Variants in HMCN1 observed in about 807,000 individuals in gnomAD.
The protein encoded by HMCN1 is hemicentin 1, also known as hemicentin-1.
In HMCN1, 321 loss-of-function variants were observed where a neutral mutation model predicts 625.9. That is an observed-to-expected ratio of 0.51 (90% CI 0.47 to 0.56). HMCN1 has a LOEUF of 0.56. HMCN1 is among the 20% of genes least tolerant of loss of function. HMCN1 has a pLI of 0.00. For synonymous variants in HMCN1, 2,425 were observed against 2,417.6 expected, an observed-to-expected ratio of 1.00 and a Z score of -0.09; for missense variants, 6,588 against 6,887.3, an observed-to-expected ratio of 0.96 and a Z score of 1.54.
chr1:185,855,724 G>A (rs774341015), intron 2 of HMCN1, among the ~76,000 whole-genome samples: 1 of 152,148 alleles, frequency 6.6e-6, no homozygotes, highest in Non-Finnish European at 1.5e-5. Flanking sequence ...ATCAGTTGCC[G>A]ATGAGTTAAA....
intron 36 of HMCN1, among the ~76,000 whole-genome samples, chr1:186,035,079 T>A (rs963369587): frequency 6.6e-6 from 1 of 152,194 alleles, no homozygotes; most frequent in African/African-American, 2.4e-5. Flanking sequence ...TGTAGGAATG[T>A]GTCATGGACT....
rs1558238233 is a variant in HMCN1, at chr1:186,120,118, T to C, written c.12202T>C (p.Leu4068=). 3.1e-6 allele frequency: 5 copies of C among 1,613,862 alleles called. No homozygotes were observed. The highest frequency in any genetic ancestry group is 2.2e-5 in the South Asian group (2 of 91,086). Reference sequence around the variant, plus strand: ...GGCCCAGAACCCGGCTGGTACAGCCTTGGGCAAAATCAAGTTAAATGTCCA... The same window carrying C: ...GGCCCAGAACCCGGCTGGTACAGCCCTGGGCAAAATCAAGTTAAATGTCCA... ...CVAQNPAGTA[L]GKIKLNVQVP... The change falls in exon 80 of 107, where the codon TTG becomes CTG. Residue 4068 remains leucine (L), a synonymous_variant. Coordinates refer to ENST00000271588, the MANE Select transcript of HMCN1 (RefSeq NM_031935.3).
At chr1:186,153,661 C>A in intron 96 of HMCN1, 89 bp from the exon 97 acceptor site, 2 of 1,027,190 alleles carry the variant, frequency 1.9e-6, no homozygotes, top group Non-Finnish European at 3.1e-6. Context: ...AATCCTTTTT[C>A]CCCGCTCATT....
At chr1:186,173,344 CA>C (rs1462852132) in intron 102 of HMCN1, among the ~76,000 whole-genome samples, 1 of 151,970 alleles carries the variant, frequency 6.6e-6, no homozygotes, top group Admixed American at 6.6e-5. Flanking sequence ...GTTGAAGTAT[CA>C]GATTTCAAAG....
chr1:185,799,283 G>A (rs1212281752), intron 1 of HMCN1, among the ~76,000 whole-genome samples: 2 of 152,200 alleles, frequency 1.3e-5, no homozygotes, highest in Non-Finnish European at 2.9e-5. Context: ...CAAGTGCTAT[G>A]CATTTGTGTC....
chr1:185,756,870 A>G (rs1655166089), intron 1 of HMCN1, among the ~76,000 whole-genome samples: 1 of 151,824 alleles, frequency 6.6e-6, no homozygotes, highest in Non-Finnish European at 1.5e-5. Context: ...ATAACTTTCC[A>G]CCTGGTCTCT....
chr1:186,109,555 A>G (rs1000037344), intron 71 of HMCN1, among the ~76,000 whole-genome samples: 2 of 152,240 alleles, frequency 1.3e-5, no homozygotes, highest in African/African-American at 4.8e-5. Context: ...AGTAAATTGT[A>G]TATTAGAAGG....
Position 185,846,163 on chromosome 1 carries a change from T to C in HMCN1, c.339+67T>C. 6 of 1,246,168 alleles carry C rather than the reference T, an allele frequency of 4.8e-6. 1 individual carries two copies. The South Asian group carries it at 6.1e-5, about 13-fold the overall frequency. The allele number at this position is 1,246,168 out of a possible 1,614,324, so 77.2% of individuals were successfully genotyped here. On this transcript the variant is annotated intron_variant, in intron 2 of 106. Transcript: ENST00000271588. ...TCATGAGCCTTTGGCTGATTTTCTT[T>C]ATTTTTTAAATCTAAAAGACATAGT...
chr1:186,171,926 A>G, intron 101 of HMCN1, 80 bp from the exon 102 acceptor site: 1 of 1,396,094 alleles, frequency 7.2e-7, no homozygotes, highest in Non-Finnish European at 1.0e-6. Context: ...TAATATCCCT[A>G]AAATCCAAAA....
chr1:186,015,342 T>G lies in HMCN1; in HGVS notation c.4814T>G (p.Ile1605Ser), dbSNP rs1443861349. 4 of 1,613,736 alleles carry G rather than the reference T, an allele frequency of 2.5e-6. No homozygotes were observed. Among genetic ancestry groups the G allele is most frequent in the Non-Finnish European group, 3.4e-6 (4 of 1,179,774 alleles). The change falls in exon 31 of 107, where the codon ATT becomes AGT. Residue 1605 changes from isoleucine to serine, a missense_variant. By Grantham distance (142) the Ile-to-Ser change is moderately radical. Transcript: ENST00000271588. ...ATTGATAAAGGACAATATCTTCATA[T>G]TCCTCGAGCACAGGTCTCTGATTCA... is the stretch of plus-strand genomic sequence containing the variant. ...LYIDKGQYLH[I>S]PRAQVSDSAT...
chr1:186,077,747 C>T (rs1473942648), intron 54 of HMCN1, among the ~76,000 whole-genome samples: 2 of 152,122 alleles, frequency 1.3e-5, no homozygotes, highest in Non-Finnish European at 2.9e-5. Context: ...CAAACAAGTA[C>T]TTGCAGCAAA....
chr1:185,864,906 A>T (rs1663086000), intron 3 of HMCN1, among the ~76,000 whole-genome samples: 1 of 152,242 alleles, frequency 6.6e-6, no homozygotes, highest in East Asian at 1.9e-4. Flanking sequence ...AACTGACAAA[A>T]CACAGGCCTA....
chr1:186,137,985 C>T lies in HMCN1; in HGVS notation c.13924+13C>T. Reference sequence around the variant, plus strand: ...AGGCCTTGCCCAGGTGAGAAACCACCAATAATGCTAAGATAAACAAAACTT... The same window carrying T: ...AGGCCTTGCCCAGGTGAGAAACCACTAATAATGCTAAGATAAACAAAACTT... On this transcript the variant is annotated intron_variant, in intron 89 of 106. Transcript: ENST00000271588. 1 of 1,613,646 alleles carries T rather than the reference C, an allele frequency of 6.2e-7. No homozygotes were observed. Among genetic ancestry groups the T allele is most frequent in the African/African-American group, 1.3e-5 (1 of 75,024 alleles).
intron 9 of HMCN1, 35 bp downstream of exon 9, chr1:185,925,226 C>T: frequency 6.4e-7 from 1 of 1,574,698 alleles, no homozygotes; most frequent in Non-Finnish European, 8.7e-7. Flanking sequence ...TAAGATTCAG[C>T]ATTTAACATG....
At chr1:186,186,994 T>TCACACACACACACACACACACA (rs371455899) in intron 105 of HMCN1, among the ~76,000 whole-genome samples, 5 of 134,514 alleles carry the variant, frequency 3.7e-5, no homozygotes, top group East Asian at 2.3e-4. Context: ...TGTCTCTGTC[T>TCACACACACACACACACACACA]CACACACACA....
rs779986225 is a variant in HMCN1 at position 186,062,604 on chromosome 1, TG to T, written c.7513+7del. 1 of 1,596,428 alleles carries T rather than the reference TG, an allele frequency of 6.3e-7. No homozygotes were observed. Among genetic ancestry groups the T allele is most frequent in the East Asian group, 2.2e-5 (1 of 44,652 alleles). On this transcript the variant is annotated splice_donor_5th_base_variant and intron_variant, in intron 48 of 106. Coordinates refer to ENST00000271588, the MANE Select transcript of HMCN1 (RefSeq NM_031935.3). ...ACGCTGACTTGTGAAGTGACAGGTA[TG>T]GGCTCAGCTCTCAGACTTTTGGTGC...
chr1:186,092,938 G>C (rs538669000), intron 64 of HMCN1, among the ~76,000 whole-genome samples, 196 bp from the exon 65 acceptor site: 3 of 152,176 alleles, frequency 2.0e-5, no homozygotes, highest in Non-Finnish European at 4.4e-5. Flanking sequence ...GATTTGAATA[G>C]AGAAGTATTC....
At chr1:185,859,734 C>T (rs781658338) in intron 2 of HMCN1, among the ~76,000 whole-genome samples, 82 of 152,004 alleles carry the variant, frequency 5.4e-4, no homozygotes, top group Non-Finnish European at 8.1e-4. Flanking sequence ...GGTGCGATCT[C>T]GATTCACTGC....
intron 4 of HMCN1, among the ~76,000 whole-genome samples, chr1:185,892,033 C>T (rs577196556): frequency 2.0e-5 from 3 of 151,528 alleles, no homozygotes; most frequent in African/African-American, 7.3e-5. Context: ...TTTCTCTAAA[C>T]TTTCCTTCTC....
Sources: allele counts gnomAD v4.1 joint callset (sites outside exome capture counted in the v4.1 genomes callset), GRCh38; gene constraint gnomAD v4.1.1; transcripts MANE v1.5; gene names NCBI Gene and HGNC (gene_info 2026-07-23, HGNC 2026-07-21).